Variants in EIF3M observed in about 807,000 individuals in gnomAD.
EIF3M encodes the protein B5 receptor.
Under a neutral mutation model 49.7 loss-of-function variants are expected in EIF3M, and 25 were observed. That is an observed-to-expected ratio of 0.50 (90% CI 0.37 to 0.70). EIF3M has a LOEUF of 0.70. Ranked by LOEUF, EIF3M falls within the 30% of genes least tolerant of loss-of-function variation. EIF3M has a pLI of 0.00. For synonymous variants in EIF3M, 156 were observed against 149.8 expected (o/e 1.04, Z -0.30); for missense variants, 350 against 440.0 (o/e 0.80, Z 1.83).
intron 8 of EIF3M, among the ~76,000 whole-genome samples, chr11:32,598,513 TTAG>T (rs1221095758): frequency 2.0e-5 from 3 of 152,264 alleles, no homozygotes; most frequent in Non-Finnish European, 2.9e-5. Context: ...CTTCACTGCC[TTAG>T]TAGTTTGATT....
At chr11:32,589,411 G>C (rs1284512736) in intron 4 of EIF3M, 136 bp from the exon 5 acceptor site, 1 of 915,102 alleles carries the variant, frequency 1.1e-6, no homozygotes, top group African/African-American at 1.7e-5. Flanking sequence ...CCCGACTTCA[G>C]TTGATCCTCC....
At position 32,602,903 on chromosome 11, in the gene EIF3M, T is replaced by C. The variant is rs1436699225; in HGVS notation, c.*504T>C. ...TCTAAACTTAGTAAATTTTCACTTTTATTTAGTTGATTCGTAATGAGGCTC... is the reference window on the plus strand; with the variant it reads ...TCTAAACTTAGTAAATTTTCACTTTCATTTAGTTGATTCGTAATGAGGCTC... On this transcript the variant is annotated 3_prime_UTR_variant, in exon 11 of 11. Transcript: ENST00000531120. 1.9e-6 allele frequency: 3 copies of C among 1,612,396 alleles called. No homozygotes were observed. The East Asian group carries it at 6.7e-5, about 36-fold the overall frequency.
chr11:32,587,053 G>A lies in EIF3M; in HGVS notation c.84G>A (p.Glu28=). The A allele has an allele frequency of 6.2e-7, 1 of 1,612,582 alleles. No homozygotes were observed. Among genetic ancestry groups the A allele is most frequent in the Non-Finnish European group, 8.5e-7 (1 of 1,178,858 alleles). The part of the protein sequence containing the change: ...LRAYLKSKGA[E]ISEENSEGGL... ...CTTATCTGAAATCTAAAGGAGCTGA[G>A]ATTTCAGAAGAGAACTCGGAAGGTG... is the stretch of plus-strand genomic sequence containing the variant. Residue 28 remains glutamate, a synonymous_variant, in exon 2 of 11, where the codon GAG becomes GAA. Coordinates refer to ENST00000531120, the MANE Select transcript of EIF3M (RefSeq NM_006360.6).
chr11:32,592,445 TCAC>T (rs1855118243), intron 5 of EIF3M: 1 of 532,730 alleles, frequency 1.9e-6, no homozygotes, highest in Non-Finnish European at 3.6e-6. Flanking sequence ...TTCTTTAACA[TCAC>T]CAACAAAAAT....
chr11:32,596,600 C>CAA lies in EIF3M; in HGVS notation c.799+572_799+573dup, dbSNP rs35206274. The stretch of plus-strand genomic sequence containing the variant: ...TCGGCAACAGAGCAAGAGTCTGTCT[C>CAA]AAAAAAAAAAAAAAAAAAAAGAAAG... On this transcript the variant is annotated intron_variant, in intron 8 of 10. Coordinates refer to ENST00000531120, the MANE Select transcript of EIF3M (RefSeq NM_006360.6). Among the ~76,000 whole-genome samples the CAA allele has an allele frequency of 1.8e-4, 21 of 116,360 alleles. 1 individual carries two copies. The East Asian group carries it at 3.4e-3, about 19-fold the overall frequency. The allele number at this position is 116,360 out of a possible 152,430, so 76.3% of individuals were successfully genotyped here.
Position 32,604,140 on chromosome 11 carries a change from T to C in EIF3M, c.*1741T>C, listed in dbSNP as rs1855314536. ...ATAACAATTATGGTGGGCTTTCTTTTAAGATAGGGTCTCACCCTGTCACCT... is the reference window on the plus strand; with the variant it reads ...ATAACAATTATGGTGGGCTTTCTTTCAAGATAGGGTCTCACCCTGTCACCT... On this transcript the variant is annotated 3_prime_UTR_variant, in exon 11 of 11. Transcript: ENST00000531120. The C allele has an allele frequency of 6.6e-6, 1 of 152,202 alleles. No individual in the cohort carries two copies. The highest frequency in any genetic ancestry group is 1.5e-5 in the Non-Finnish European group (1 of 68,044). 9.4% of individuals were successfully genotyped at this position (152,202 alleles called of 1,614,324 possible). A position where few individuals can be genotyped will look rare whatever the true frequency, so the allele number is the denominator to read the frequency against.
At chr11:32,584,046 C>A in intron 1 of EIF3M, 117 bp downstream of exon 1, 5 of 1,365,762 alleles carry the variant, frequency 3.7e-6, no homozygotes, top group East Asian at 5.2e-5. Flanking sequence ...CTGTTCTACA[C>A]GCGAGAATGG....
chr11:32,601,520 A>C, intron 9 of EIF3M: 1 of 279,420 alleles, frequency 3.6e-6, no homozygotes, highest in East Asian at 5.7e-5. Context: ...AAAAAAAAAA[A>C]AAACAGCAAA....
intron 5 of EIF3M, chr11:32,592,464 T>C: frequency 1.9e-6 from 1 of 528,124 alleles, no homozygotes; most frequent in Admixed American, 2.1e-5. Flanking sequence ...AAAATTTTCT[T>C]CACTGTTGGA....
At chr11:32,588,818 G>T (rs1855046477) in intron 3 of EIF3M, 86 bp downstream of exon 3, 3 of 1,582,014 alleles carry the variant, frequency 1.9e-6, no homozygotes, top group South Asian at 2.3e-5. Flanking sequence ...AGGAATTCTG[G>T]AACTTGACTC....
At position 32,604,467 on chromosome 11, in the gene EIF3M, T is replaced by A. The variant is rs1464627924; in HGVS notation, c.*2068T>A. On this transcript the variant is annotated 3_prime_UTR_variant, in exon 11 of 11. Transcript: ENST00000531120. ...TAGAAATATGAAACAGGATAAGAATTACATTAAAATCACCCAAGATCCCAA... is the reference window on the plus strand; with the variant it reads ...TAGAAATATGAAACAGGATAAGAATAACATTAAAATCACCCAAGATCCCAA... The A allele has an allele frequency of 6.6e-6, 1 of 152,180 alleles. No homozygotes were observed. Among genetic ancestry groups the A allele is most frequent in the Non-Finnish European group, 1.5e-5 (1 of 68,022 alleles). 9.4% of individuals were successfully genotyped at this position (152,180 alleles called of 1,614,324 possible).
chr11:32,601,959 T>TAA (rs1275100210), intron 10 of EIF3M, 137 bp downstream of exon 10: 2 of 975,864 alleles, frequency 2.0e-6, no homozygotes, highest in Admixed American at 5.2e-5. Flanking sequence ...ATAATTTTAT[T>TAA]AAAGTTCAGA....
At chr11:32,591,319 T>G (rs1338031595) in intron 5 of EIF3M, among the ~76,000 whole-genome samples, 2 of 152,240 alleles carry the variant, frequency 1.3e-5, no homozygotes, top group Non-Finnish European at 2.9e-5. Flanking sequence ...TGGCACAAGA[T>G]AACTAATGAG....
intron 1 of EIF3M, 132 bp from the exon 2 acceptor site, chr11:32,586,880 A>AG: frequency 8.1e-7 from 1 of 1,232,096 alleles, no homozygotes; most frequent in Non-Finnish European, 1.1e-6. Context: ...GAGGTGAGGG[A>AG]GGGGTCTTCA....
At chr11:32,587,755 T>A (rs963018298) in intron 2 of EIF3M, among the ~76,000 whole-genome samples, 14 of 152,206 alleles carry the variant, frequency 9.2e-5, no homozygotes, top group African/African-American at 3.4e-4. Flanking sequence ...AGTTTCCTGT[T>A]TATTGAGATA....
chr11:32,591,892 C>T, intron 5 of EIF3M: 1 of 260,704 alleles, frequency 3.8e-6, no homozygotes, highest in Non-Finnish European at 7.7e-6. Flanking sequence ...TGTCATTGTC[C>T]ACTGTAATAT....
chr11:32,585,267 T>C (rs1458657705), intron 1 of EIF3M, among the ~76,000 whole-genome samples: 1 of 152,050 alleles, frequency 6.6e-6, no homozygotes, highest in Non-Finnish European at 1.5e-5. Flanking sequence ...AACAGTTGGC[T>C]GTTAGGTTAA....
At chr11:32,602,086 G>A in intron 10 of EIF3M, 193 bp from the exon 11 acceptor site, 1 of 977,060 alleles carries the variant, frequency 1.0e-6, no homozygotes, top group Non-Finnish European at 1.5e-6. Flanking sequence ...TAGTTGCTCA[G>A]GAGAATTAGA....
intron 9 of EIF3M, 141 bp downstream of exon 9, chr11:32,600,973 T>C (rs1855253248): frequency 9.1e-7 from 1 of 1,096,330 alleles, no homozygotes. Flanking sequence ...GATTAGTGGA[T>C]ATATTTGTTG....
Sources: gnomAD v4.1 joint callset for allele counts (sites outside exome capture counted in the v4.1 genomes callset) on GRCh38, gnomAD v4.1.1 for gene constraint, MANE v1.5 for transcripts, NCBI Gene and HGNC (gene_info 2026-07-23, HGNC 2026-07-21) for gene names.